OR4N2: variants seen among roughly 807,000 people sequenced by gnomAD.
OR4N2 encodes olfactory receptor 4N2.
For synonymous variants in OR4N2, 141 were observed against 140.4 expected (o/e 1.00, Z -0.03); for missense variants, 307 against 377.6 (o/e 0.81, Z 1.55).
At chr14:19,812,580 G>C (rs899047929) in intron 1 of OR4N2, among the ~76,000 whole-genome samples, 12 of 152,030 alleles carry the variant, frequency 7.9e-5, no homozygotes, top group Non-Finnish European at 1.8e-4. Context: ...GAATGGTCTC[G>C]GTCTCCTGAC....
chr14:19,805,049 AT>A (rs1197547858), intron 1 of OR4N2, among the ~76,000 whole-genome samples: 2 of 152,166 alleles, frequency 1.3e-5, no homozygotes, highest in South Asian at 2.1e-4. Context: ...TGCTTGGTCT[AT>A]TTTTTCTCCA....
intron 1 of OR4N2, among the ~76,000 whole-genome samples, chr14:19,817,143 T>C (rs1172046674): frequency 6.6e-6 from 1 of 152,176 alleles, no homozygotes; most frequent in African/African-American, 2.4e-5. Context: ...GATATTGATC[T>C]GAAATTTTCT....
chr14:19,821,461 T>C (rs988462260), intron 1 of OR4N2, among the ~76,000 whole-genome samples: 1 of 152,226 alleles, frequency 6.6e-6, no homozygotes, highest in African/African-American at 2.4e-5. Flanking sequence ...TATATATATG[T>C]ATATATGTAT....
intron 1 of OR4N2, among the ~76,000 whole-genome samples, chr14:19,816,476 A>C (rs142666937): frequency 0.074 from 11,177 of 151,024 alleles, 540 homozygotes; most frequent in African/African-American, 0.2. Context: ...AATGGGAGTT[A>C]ACTCATGATT....
At position 19,827,841 on chromosome 14, in the gene OR4N2, C is replaced by A; in HGVS notation, c.393C>A (p.His131Gln). 6.2e-7 allele frequency: 1 copy of A among 1,614,248 alleles called. No homozygotes were observed. The highest frequency in any genetic ancestry group is 2.2e-5 in the East Asian group (1 of 44,892). ...ACATCGCCATCTGCCGGCCTCTGCA[C>A]TATCCTACTGTCATGAACCCTAGAA... is the stretch of plus-strand genomic sequence containing the variant. Reference protein sequence around the residue: ...DRYIAICRPLHYPTVMNPRTC... With the variant: ...DRYIAICRPLQYPTVMNPRTC... Residue 131 changes from histidine (H) to glutamine (Q), a missense_variant, in exon 2 of 2, where the codon CAC (histidine) becomes CAA (glutamine). Coordinates refer to ENST00000557677, the MANE Select transcript of OR4N2 (RefSeq NM_001004723.3).
intron 1 of OR4N2, among the ~76,000 whole-genome samples, chr14:19,820,927 A>G (rs1254041326): frequency 6.6e-6 from 1 of 152,164 alleles, no homozygotes; most frequent in Non-Finnish European, 1.5e-5. Flanking sequence ...CCCCATTTCC[A>G]GGGGAGTGAA....
chr14:19,820,533 G>A (rs1395400111), intron 1 of OR4N2, among the ~76,000 whole-genome samples: 5 of 152,342 alleles, frequency 3.3e-5, no homozygotes, highest in Non-Finnish European at 4.4e-5. Context: ...GCCCACAGCC[G>A]CCCTTCCCCC....
At chr14:19,806,770 G>T (rs55911030) in intron 1 of OR4N2, among the ~76,000 whole-genome samples, 10,838 of 150,720 alleles carry the variant, frequency 0.072, 173 homozygotes, top group Non-Finnish European at 0.11. Context: ...ATTCTCATCT[G>T]CACATGGAAC....
intron 1 of OR4N2, 123 bp from the exon 2 acceptor site, chr14:19,827,317 G>C: frequency 1.2e-6 from 1 of 824,044 alleles, no homozygotes; most frequent in Non-Finnish European, 1.9e-6. Context: ...GAATAGGAGA[G>C]GGATGGGAAA....
chr14:19,804,663 T>G (rs1594390595), intron 1 of OR4N2, among the ~76,000 whole-genome samples: 1 of 152,246 alleles, frequency 6.6e-6, no homozygotes, highest in Non-Finnish European at 1.5e-5. Flanking sequence ...ATGAGAAGAA[T>G]GTATATTCTA....
At chr14:19,807,107 T>C (rs1259081082) in intron 1 of OR4N2, among the ~76,000 whole-genome samples, 6 of 151,838 alleles carry the variant, frequency 4.0e-5, no homozygotes, top group African/African-American at 1.4e-4. Context: ...GAGGAAAGAT[T>C]ATAGCATTAA....
chr14:19,806,582 T>C (rs1270049847), intron 1 of OR4N2, among the ~76,000 whole-genome samples: 3 of 152,182 alleles, frequency 2.0e-5, no homozygotes, highest in African/African-American at 7.2e-5. Flanking sequence ...CAAGTTTTTC[T>C]TGGCCTACCA....
At chr14:19,811,174 C>CAGGATTTTGCATTGCA (rs1341661463) in intron 1 of OR4N2, among the ~76,000 whole-genome samples, 4 of 152,246 alleles carry the variant, frequency 2.6e-5, no homozygotes, top group Non-Finnish European at 4.4e-5. Context: ...AAATCTGACA[C>CAGGATTTTGCATTGCA]AGGATTTTGC....
At chr14:19,808,965 A>ATGCACT (rs1335907305) in intron 1 of OR4N2, among the ~76,000 whole-genome samples, 1 of 152,210 alleles carries the variant, frequency 6.6e-6, no homozygotes, top group East Asian at 1.9e-4. Context: ...AAATAAATCC[A>ATGCACT]TGCACTTACA....
intron 1 of OR4N2, among the ~76,000 whole-genome samples, chr14:19,818,176 G>A (rs1215637481): frequency 1.3e-5 from 2 of 152,240 alleles, no homozygotes; most frequent in Non-Finnish European, 1.5e-5. Flanking sequence ...GATTTGGGGT[G>A]GAGAGTTTTG....
At chr14:19,827,319 G>C in intron 1 of OR4N2, 121 bp from the exon 2 acceptor site, 1 of 834,080 alleles carries the variant, frequency 1.2e-6, no homozygotes, top group African/African-American at 1.7e-5. Flanking sequence ...ATAGGAGAGG[G>C]ATGGGAAATG....
chr14:19,826,427 C>T lies in OR4N2; in HGVS notation c.-9-1013C>T, dbSNP rs570745678. Among the ~76,000 whole-genome samples the T allele has an allele frequency of 4.6e-5, 7 of 152,328 alleles. No individual in the cohort carries two copies. The Middle Eastern group carries it at 0.014, about 296-fold the overall frequency. ...ATCTATTTAAACTGAAGAGTATACA[C>T]TTGCATTATCCTACTACTTATCAAG... On this transcript the variant is annotated intron_variant, in intron 1 of 1. Coordinates refer to ENST00000557677, the MANE Select transcript of OR4N2 (RefSeq NM_001004723.3).
intron 1 of OR4N2, among the ~76,000 whole-genome samples, chr14:19,815,346 C>A (rs1186688749): frequency 6.6e-6 from 1 of 152,106 alleles, no homozygotes; most frequent in African/African-American, 2.4e-5. Context: ...GTTTCCTGAC[C>A]TTTTAATGAT....
At chr14:19,803,913 T>G (rs1879086978) in intron 1 of OR4N2, 69 bp downstream of exon 1, 1 of 152,290 alleles carries the variant, frequency 6.6e-6, no homozygotes, top group Non-Finnish European at 1.5e-5. Context: ...TTTCAATTTC[T>G]TCCTAGTTCA....
Sources: allele counts gnomAD v4.1 joint callset (sites outside exome capture counted in the v4.1 genomes callset), GRCh38; gene constraint gnomAD v4.1.1; transcripts MANE v1.5; gene names NCBI Gene and HGNC (gene_info 2026-07-23, HGNC 2026-07-21).